Variants in RIN2 observed in about 807,000 individuals in gnomAD.
RIN2 encodes RAB5 interacting protein 2.
RIN2 carries 36 observed loss-of-function variants against 78.0 expected under a neutral mutation model. The ratio of observed to expected loss-of-function variants is 0.46; its 90% CI spans 0.35 to 0.61. The LOEUF (loss-of-function observed/expected upper bound fraction) is 0.61, where lower values mean the gene tolerates loss of function less well. RIN2 is among the 20% of genes least tolerant of loss of function. The probability of loss-of-function intolerance (pLI) is 0.00; values close to 1 mark genes in which losing one functional copy is unlikely to be tolerated. For missense variants in RIN2, 1,087 were observed against 1,159.7 expected, an observed-to-expected ratio of 0.94 and a Z score of 0.91; for synonymous variants, 466 against 466.8, an observed-to-expected ratio of 1.00 and a Z score of 0.02.
intron 3 of RIN2, among the ~76,000 whole-genome samples, chr20:19,925,569 A>G (rs1263624621): frequency 6.6e-6 from 1 of 152,246 alleles, no homozygotes; most frequent in Non-Finnish European, 1.5e-5. Flanking sequence ...TATGCAACTT[A>G]ATTTTAAAAA....
chr20:19,835,718 ATG>A (rs540105815), intron 2 of RIN2, among the ~76,000 whole-genome samples: 18 of 152,240 alleles, frequency 1.2e-4, no homozygotes, highest in Admixed American at 7.2e-4. Flanking sequence ...GCAAATATGA[ATG>A]GGAAGTTGAG....
intron 2 of RIN2, among the ~76,000 whole-genome samples, chr20:19,866,906 T>C (rs543580241): frequency 6.6e-6 from 1 of 152,238 alleles, no homozygotes; most frequent in East Asian, 1.9e-4. Flanking sequence ...ATTACAGGAG[T>C]GAGCCACCAT....
chr20:19,940,119 T>TA (rs1028592436), intron 4 of RIN2, among the ~76,000 whole-genome samples: 1 of 152,124 alleles, frequency 6.6e-6, no homozygotes, highest in African/African-American at 2.4e-5. Flanking sequence ...CCCAAAGAGT[T>TA]AGGATCACAA....
At chr20:19,927,114 G>A (rs1568619307) in intron 3 of RIN2, among the ~76,000 whole-genome samples, 1 of 152,248 alleles carries the variant, frequency 6.6e-6, no homozygotes, top group Non-Finnish European at 1.5e-5. Context: ...TTGTTTCTTT[G>A]TAGTCCCAGG....
At chr20:19,821,153 C>T (rs2035913807) in intron 2 of RIN2, among the ~76,000 whole-genome samples, 1 of 152,182 alleles carries the variant, frequency 6.6e-6, no homozygotes, top group Admixed American at 6.5e-5. Context: ...TGTGTCTCAG[C>T]TCCATACTCA....
intron 3 of RIN2, among the ~76,000 whole-genome samples, chr20:19,909,511 G>A (rs2039369194): frequency 6.6e-6 from 1 of 152,162 alleles, no homozygotes; most frequent in Non-Finnish European, 1.5e-5. Flanking sequence ...ATGAGCATTT[G>A]TGTGCTTGTG....
At chr20:19,964,404 C>T (rs537221737) in intron 6 of RIN2, among the ~76,000 whole-genome samples, 21 of 152,254 alleles carry the variant, frequency 1.4e-4, no homozygotes, top group Admixed American at 4.6e-4. Context: ...GCACCATGCC[C>T]GGCCAGTTTT....
At chr20:19,966,794 A>C (rs2041953902) in intron 7 of RIN2, among the ~76,000 whole-genome samples, 1 of 152,182 alleles carries the variant, frequency 6.6e-6, no homozygotes, top group African/African-American at 2.4e-5. Flanking sequence ...GCACCTCCCA[A>C]GAGGATGCAA....
chr20:19,900,679 G>A (rs1431211834), intron 3 of RIN2, among the ~76,000 whole-genome samples: 3 of 148,712 alleles, frequency 2.0e-5, no homozygotes, highest in African/African-American at 7.4e-5. Context: ...GGCTGGGTGT[G>A]GTGGCTCACG....
chr20:19,875,590 G>A (rs754598707), intron 2 of RIN2, among the ~76,000 whole-genome samples: 4 of 152,288 alleles, frequency 2.6e-5, no homozygotes, highest in Middle Eastern at 3.4e-3. Context: ...AGCTATGATT[G>A]TGCCATTGCA....
chr20:19,936,877 A>G (rs1237854023), intron 4 of RIN2, among the ~76,000 whole-genome samples: 1 of 152,238 alleles, frequency 6.6e-6, no homozygotes, highest in African/African-American at 2.4e-5. Context: ...CTTTTTTTTA[A>G]CAGAAAAGAA....
At chr20:19,802,443 T>A (rs2035269353) in intron 2 of RIN2, among the ~76,000 whole-genome samples, 1 of 150,852 alleles carries the variant, frequency 6.6e-6, no homozygotes. Context: ...AAGATCAGCT[T>A]GGGCACTATC....
chr20:19,998,527 G>A (rs1040701360), intron 12 of RIN2, among the ~76,000 whole-genome samples: 5 of 152,050 alleles, frequency 3.3e-5, no homozygotes, highest in African/African-American at 7.2e-5. Flanking sequence ...GGGAGGATCC[G>A]TTGAGCCCAG....
chr20:19,889,702 G>C, intron 3 of RIN2, 44 bp downstream of exon 3: 1 of 1,395,858 alleles, frequency 7.2e-7, no homozygotes, highest in Non-Finnish European at 9.6e-7. Context: ...TCGGCTTGCT[G>C]CCTGAGCCTG....
chr20:19,816,857 T>C lies in RIN2; in HGVS notation c.-37+17110T>C, dbSNP rs543421195. 3.3e-5 allele frequency among the ~76,000 whole-genome samples: 5 copies of C among 152,214 alleles called. No individual in the cohort carries two copies. In the South Asian group the frequency reaches 6.2e-4, roughly 19 times the overall value. On this transcript the variant is annotated intron_variant, in intron 2 of 12. Coordinates refer to ENST00000255006, the MANE Select transcript of RIN2 (RefSeq NM_018993.4). ...TTTAGAAAATTTGCAAATTTCAGGA[T>C]GAATAAGAGAAAAGTAAATAAAAAC...
At chr20:19,891,680 G>C (rs1568577510) in intron 3 of RIN2, among the ~76,000 whole-genome samples, 1 of 152,202 alleles carries the variant, frequency 6.6e-6, no homozygotes, top group Non-Finnish European at 1.5e-5. Flanking sequence ...TTAGCTGGGT[G>C]TGGTGGCCTG....
chr20:19,790,637 T>A (rs1191354263), intron 1 of RIN2, among the ~76,000 whole-genome samples: 1 of 151,956 alleles, frequency 6.6e-6, no homozygotes, highest in African/African-American at 2.4e-5. Context: ...AGTAAAAAAA[T>A]TAATAAAAAT....
intron 1 of RIN2, among the ~76,000 whole-genome samples, chr20:19,795,023 T>C (rs890951846): frequency 6.6e-6 from 1 of 152,200 alleles, no homozygotes; most frequent in Non-Finnish European, 1.5e-5. Flanking sequence ...TGCATTTCTC[T>C]TAGGAACACA....
chr20:19,921,944 C>A (rs1016381520), intron 3 of RIN2, among the ~76,000 whole-genome samples: 2 of 152,162 alleles, frequency 1.3e-5, no homozygotes, highest in Non-Finnish European at 2.9e-5. Flanking sequence ...CAGCTCACTG[C>A]AACCTCTGCC....
Sources: allele counts gnomAD v4.1 joint callset (sites outside exome capture counted in the v4.1 genomes callset), GRCh38; gene constraint gnomAD v4.1.1; transcripts MANE v1.5; gene names NCBI Gene and HGNC (gene_info 2026-07-23, HGNC 2026-07-21).